The following MCF2L2 variants were observed in gnomAD, a reference collection of about 807,000 sequenced individuals.
MCF2L2 encodes the protein MCF.2 cell line derived transforming sequence-like 2.
In MCF2L2, 102 loss-of-function variants were observed where a neutral mutation model predicts 150.2. The observed-to-expected ratio is 0.68, with a 90% confidence interval of 0.58 to 0.80. The LOEUF is 0.80. MCF2L2 is among the 30% of genes least tolerant of loss of function. The probability of loss-of-function intolerance (pLI) is 0.00; values close to 1 mark genes in which losing one functional copy is unlikely to be tolerated. For missense variants in MCF2L2, 1,256 were observed against 1,372.8 expected, an observed-to-expected ratio of 0.91 and a Z score of 1.34; for synonymous variants, 465 against 491.3, an observed-to-expected ratio of 0.95 and a Z score of 0.71.
chr3:183,337,327 C>T (rs1034749847), intron 5 of MCF2L2, among the ~76,000 whole-genome samples: 8 of 152,098 alleles, frequency 5.3e-5, no homozygotes, highest in African/African-American at 1.9e-4. Context: ...GAGGCTGAAG[C>T]GGGTGGATTA....
intron 10 of MCF2L2, among the ~76,000 whole-genome samples, chr3:183,308,219 AG>A (rs1382503602): frequency 6.6e-6 from 1 of 152,166 alleles, no homozygotes; most frequent in East Asian, 1.9e-4. Context: ...ACCTAGGATA[AG>A]GAATACCTCT....
At chr3:183,248,209 C>T (rs1248801301) in intron 15 of MCF2L2, among the ~76,000 whole-genome samples, 1 of 152,080 alleles carries the variant, frequency 6.6e-6, no homozygotes, top group Non-Finnish European at 1.5e-5. Flanking sequence ...AGCCCTAAAT[C>T]TGCAGAGCCA....
chr3:183,352,352 A>G (rs775523648), intron 3 of MCF2L2, among the ~76,000 whole-genome samples: 2 of 151,892 alleles, frequency 1.3e-5, no homozygotes, highest in Non-Finnish European at 2.9e-5. Flanking sequence ...GCAAAACCCC[A>G]TCTCTACTAA....
At chr3:183,269,062 G>A (rs1315109995) in intron 15 of MCF2L2, among the ~76,000 whole-genome samples, 2 of 151,788 alleles carry the variant, frequency 1.3e-5, no homozygotes, top group African/African-American at 4.8e-5. Context: ...CCTTGTCTGG[G>A]GCAAGCCTTA....
intron 3 of MCF2L2, chr3:183,378,520 A>G (rs1404754662): frequency 6.6e-6 from 1 of 152,222 alleles, no homozygotes; most frequent in East Asian, 1.9e-4. Flanking sequence ...GGGCTCAGCT[A>G]CAAGCACAGT....
chr3:183,185,435 C>A (rs1721662068), intron 27 of MCF2L2, among the ~76,000 whole-genome samples: 2 of 152,202 alleles, frequency 1.3e-5, no homozygotes, highest in South Asian at 4.1e-4. Context: ...TCATTTAATC[C>A]TCATGGCAAG....
intron 1 of MCF2L2, among the ~76,000 whole-genome samples, chr3:183,423,070 G>A (rs1310139711): frequency 6.6e-6 from 1 of 152,182 alleles, no homozygotes; most frequent in Non-Finnish European, 1.5e-5. Context: ...CCCTTGAAGA[G>A]TCTGTGAACA....
chr3:183,224,325 A>G (rs747402553), intron 18 of MCF2L2, 135 bp from the exon 19 acceptor site: 103 of 619,806 alleles, frequency 1.7e-4, no homozygotes, highest in Non-Finnish European at 2.6e-4. Context: ...ACAGTAAGTA[A>G]TCTTATGTTG....
chr3:183,304,635 T>A (rs1009760770), intron 10 of MCF2L2, among the ~76,000 whole-genome samples: 3 of 151,324 alleles, frequency 2.0e-5, no homozygotes, highest in Admixed American at 6.6e-5. Context: ...CTGGCTAATT[T>A]TTTTTTTTTT....
intron 14 of MCF2L2, among the ~76,000 whole-genome samples, chr3:183,280,719 G>A (rs891550357): frequency 6.6e-6 from 1 of 151,608 alleles, no homozygotes; most frequent in Non-Finnish European, 1.5e-5. Context: ...ATAGTGGTGC[G>A]CGCCTGTACT....
At chr3:183,210,334 A>G (rs183272042) in intron 22 of MCF2L2, among the ~76,000 whole-genome samples, 27 of 152,374 alleles carry the variant, frequency 1.8e-4, no homozygotes, top group Admixed American at 1.8e-3. Context: ...AATGCATATA[A>G]TAAAGCCATT....
intron 17 of MCF2L2, among the ~76,000 whole-genome samples, chr3:183,229,020 G>A (rs374806444): frequency 4.6e-5 from 7 of 152,296 alleles, no homozygotes; most frequent in African/African-American, 1.7e-4. Context: ...CAACGGACGA[G>A]GAATGGGGTT....
At chr3:183,314,359 A>G (rs1429635135) in intron 7 of MCF2L2, among the ~76,000 whole-genome samples, 1 of 152,152 alleles carries the variant, frequency 6.6e-6, no homozygotes, top group Non-Finnish European at 1.5e-5. Flanking sequence ...GGATGTTTAG[A>G]GATTTTTTTC....
At chr3:183,187,606 C>T (rs1404934238) in intron 27 of MCF2L2, among the ~76,000 whole-genome samples, 3 of 152,070 alleles carry the variant, frequency 2.0e-5, no homozygotes, top group South Asian at 2.1e-4. Flanking sequence ...GTAGCTGGGA[C>T]GACAGGCATG....
intron 22 of MCF2L2, among the ~76,000 whole-genome samples, chr3:183,209,474 C>T (rs9838250): frequency 0.61 from 92,895 of 151,922 alleles, 28,811 homozygotes; most frequent in East Asian, 0.69. Flanking sequence ...TTTTGCTTCA[C>T]GCACAAAATT....
rs1716266437 is a variant in MCF2L2, at chr3:183,428,031, C to T, written c.-54G>A. ...AAGCCAAACAAAACTGTTTCTACCG[C>T]TGCGGTGGATGATTTTTTAAAGGCA... On this transcript the variant is annotated 5_prime_UTR_variant, in exon 1 of 30. Coordinates refer to ENST00000328913, the MANE Select transcript of MCF2L2 (RefSeq NM_015078.4). The surrounding 1 kb of genome is among the most constrained non-coding windows in gnomAD (Gnocchi z 5.1). 2 of 1,373,618 alleles carry T rather than the reference C, an allele frequency of 1.5e-6. No homozygotes were observed. The highest frequency in any genetic ancestry group is 1.7e-5 in the Admixed American group (1 of 59,364). The allele number at this position is 1,373,618 out of a possible 1,614,324, so 85.1% of individuals were successfully genotyped here.
At chr3:183,222,759 C>G (rs1723193782) in intron 20 of MCF2L2, among the ~76,000 whole-genome samples, 2 of 152,076 alleles carry the variant, frequency 1.3e-5, no homozygotes, top group Non-Finnish European at 2.9e-5. Flanking sequence ...AGAAAACCAG[C>G]CATGATAGGC....
At chr3:183,386,911 T>A (rs1031566396) in intron 2 of MCF2L2, among the ~76,000 whole-genome samples, 3 of 152,194 alleles carry the variant, frequency 2.0e-5, no homozygotes, top group African/African-American at 7.2e-5. Context: ...CTTGCAGACT[T>A]GCAAGGCTGT....
intron 3 of MCF2L2, chr3:183,377,909 T>C (rs986636491): frequency 1.3e-5 from 2 of 152,042 alleles, no homozygotes; most frequent in African/African-American, 2.4e-5. Context: ...CATATGGCAG[T>C]GGCAGGGAGG....
Sources: allele counts gnomAD v4.1 joint callset (sites outside exome capture counted in the v4.1 genomes callset), GRCh38; gene constraint gnomAD v4.1.1; non-coding constraint Gnocchi (gnomAD v3.1); transcripts MANE v1.5; gene names NCBI Gene and HGNC (gene_info 2026-07-23, HGNC 2026-07-21).